The following LARGE1 variants were observed in gnomAD, a reference collection of about 807,000 sequenced individuals.
LARGE1 encodes the protein LARGE xylosyl- and glucuronyltransferase 1.
Under a neutral mutation model 87.6 loss-of-function variants are expected in LARGE1, and 43 were observed. The ratio of observed to expected loss-of-function variants is 0.49; its 90% CI spans 0.38 to 0.63. The LOEUF is 0.63. LARGE1 is among the 30% of genes least tolerant of loss of function. The probability of loss-of-function intolerance (pLI) is 0.00; values close to 1 mark genes in which losing one functional copy is unlikely to be tolerated. For missense variants in LARGE1, 802 were observed against 1,000.2 expected, an observed-to-expected ratio of 0.80 and a Z score of 2.67; for synonymous variants, 434 against 394.6, an observed-to-expected ratio of 1.10 and a Z score of -1.18.
At chr22:33,408,916 G>T (rs554085783) in intron 7 of LARGE1, among the ~76,000 whole-genome samples, 13 of 152,110 alleles carry the variant, frequency 8.5e-5, no homozygotes, top group Non-Finnish European at 1.8e-4. Flanking sequence ...GTTGACAAGG[G>T]CCGTGTTTTC....
chr22:33,200,699 C>G (rs1317978264), intron 11 of LARGE1, among the ~76,000 whole-genome samples: 1 of 152,164 alleles, frequency 6.6e-6, no homozygotes, highest in Non-Finnish European at 1.5e-5. Context: ...AGAAAGAAGG[C>G]AGGCACAAAA....
At chr22:33,845,070 C>A (rs2063391442) in intron 1 of LARGE1, among the ~76,000 whole-genome samples, 1 of 151,988 alleles carries the variant, frequency 6.6e-6, no homozygotes, top group Non-Finnish European at 1.5e-5. Flanking sequence ...CCAATAAAAT[C>A]TTCCGGGAAA....
chr22:33,155,646 A>T, the LARGE1 span, among the ~76,000 whole-genome samples: 1 of 152,216 alleles, frequency 6.6e-6, no homozygotes, highest in African/African-American at 2.4e-5. Context: ...TTTCAACCTG[A>T]CAATGCGATA....
At chr22:33,329,114 G>A (rs2146457963) in intron 10 of LARGE1, among the ~76,000 whole-genome samples, 1 of 152,308 alleles carries the variant, frequency 6.6e-6, no homozygotes, top group Middle Eastern at 3.4e-3. Context: ...TACCCAGCAG[G>A]CTTTGGTTCC....
chr22:33,593,649 T>A (rs2078904415), intron 5 of LARGE1, among the ~76,000 whole-genome samples: 1 of 152,192 alleles, frequency 6.6e-6, no homozygotes, highest in South Asian at 2.1e-4. Context: ...AATACGCAAG[T>A]CCAAAGTGAG....
chr22:33,253,436 A>G (rs1927102668), intron 11 of LARGE1, among the ~76,000 whole-genome samples: 1 of 152,106 alleles, frequency 6.6e-6, no homozygotes, highest in South Asian at 2.1e-4. Flanking sequence ...AAGAACAGAG[A>G]TTACATGGCT....
intron 5 of LARGE1, among the ~76,000 whole-genome samples, chr22:33,602,909 C>A (rs1227667310): frequency 6.6e-6 from 1 of 152,206 alleles, no homozygotes; most frequent in African/African-American, 2.4e-5. Flanking sequence ...AACACAGCGG[C>A]AGAGGCATCC....
chr22:33,811,331 A>G (rs557655113), intron 1 of LARGE1, among the ~76,000 whole-genome samples: 2 of 152,342 alleles, frequency 1.3e-5, no homozygotes, highest in South Asian at 4.1e-4. Context: ...ATAATTTAGC[A>G]GAGCAAGTAA....
intron 1 of LARGE1, among the ~76,000 whole-genome samples, chr22:33,855,063 G>A (rs1006911243): frequency 6.6e-6 from 1 of 152,176 alleles, no homozygotes; most frequent in Non-Finnish European, 1.5e-5. Context: ...GGCTGGGCAC[G>A]GTGGCTCACG....
chr22:33,770,822 C>T (rs185679929), intron 1 of LARGE1, among the ~76,000 whole-genome samples: 154 of 152,272 alleles, frequency 1.0e-3, no homozygotes, highest in African/African-American at 3.6e-3. Context: ...CAAGAAACTG[C>T]CCATAATCCA....
At position 33,713,972 on chromosome 22, in the gene LARGE1, GTAACATAACGTAACATAACA is replaced by G. The variant is rs1251110912; in HGVS notation, c.106+47379_106+47398del. The stretch of plus-strand genomic sequence containing the variant: ...CTGTCTCAAAGAAAAAGTAAATAAC[GTAACATAACGTAACATAACA>G]TAACATAACATAACATAACATAACA... On this transcript the variant is annotated intron_variant, in intron 2 of 14. Coordinates refer to ENST00000397394, the MANE Select transcript of LARGE1 (RefSeq NM_133642.5). 1.9e-3 allele frequency among the ~76,000 whole-genome samples: 230 copies of G among 119,762 alleles called. 2 individuals are homozygous for G. The highest frequency in any genetic ancestry group is 2.0e-3 in the Non-Finnish European group (113 of 55,922). 78.6% of individuals were successfully genotyped at this position (119,762 alleles called of 152,430 possible).
chr22:33,258,962 C>A (rs571030574), intron 11 of LARGE1, among the ~76,000 whole-genome samples: 14 of 151,878 alleles, frequency 9.2e-5, no homozygotes, highest in Admixed American at 2.0e-4. Context: ...ACTGCAACCT[C>A]CACCTCCCAG....
At chr22:33,134,711 T>C in the LARGE1 span, among the ~76,000 whole-genome samples, 1 of 152,142 alleles carries the variant, frequency 6.6e-6, no homozygotes, top group East Asian at 1.9e-4. Context: ...AGGTAAGAAG[T>C]CTATTTCTTT....
At chr22:33,096,294 TA>T in the LARGE1 span, among the ~76,000 whole-genome samples, 1 of 151,436 alleles carries the variant, frequency 6.6e-6, no homozygotes, top group Non-Finnish European at 1.5e-5. Context: ...TGCATGCCTG[TA>T]ATCCCAGCTA....
At chr22:33,074,677 A>G in the LARGE1 span, among the ~76,000 whole-genome samples, 4 of 152,186 alleles carry the variant, frequency 2.6e-5, no homozygotes, top group Admixed American at 2.6e-4. Flanking sequence ...TCCATCTTAG[A>G]AACAAACAAA....
intron 1 of LARGE1, among the ~76,000 whole-genome samples, chr22:33,773,943 T>C (rs1225935397): frequency 6.6e-6 from 1 of 152,146 alleles, no homozygotes; most frequent in Non-Finnish European, 1.5e-5. Context: ...CACTACTGTT[T>C]GTTTGCTTTG....
At chr22:33,456,995 C>T (rs2068155895) in intron 6 of LARGE1, among the ~76,000 whole-genome samples, 1 of 152,172 alleles carries the variant, frequency 6.6e-6, no homozygotes, top group Non-Finnish European at 1.5e-5. Flanking sequence ...CAAAGCCAGG[C>T]ACTAAGGCAA....
At chr22:33,370,153 A>C (rs557057924) in intron 9 of LARGE1, among the ~76,000 whole-genome samples, 1 of 152,308 alleles carries the variant, frequency 6.6e-6, no homozygotes, top group South Asian at 2.1e-4. Flanking sequence ...TCTCAGGTCA[A>C]AATCTTGAGG....
chr22:33,086,306 CTT>C, the LARGE1 span, among the ~76,000 whole-genome samples: 1 of 152,048 alleles, frequency 6.6e-6, no homozygotes, highest in Non-Finnish European at 1.5e-5. Flanking sequence ...TTTAAAATAA[CTT>C]TGCTACGAGT....
Sources: gnomAD v4.1 joint callset for allele counts (sites outside exome capture counted in the v4.1 genomes callset) on GRCh38, gnomAD v4.1.1 for gene constraint, MANE v1.5 for transcripts, NCBI Gene and HGNC (gene_info 2026-07-23, HGNC 2026-07-21) for gene names.